IPO11: variants seen among roughly 807,000 people sequenced by gnomAD.
The protein encoded by IPO11 is importin 11, also known as importin-11.
IPO11 carries 66 observed loss-of-function variants against 143.2 expected under a neutral mutation model. That is an observed-to-expected ratio of 0.46 (90% CI 0.38 to 0.57). The LOEUF is 0.57. Ranked by LOEUF, IPO11 falls within the 20% of genes least tolerant of loss-of-function variation. IPO11 has a pLI of 0.00. For missense variants in IPO11, 1,026 were observed against 1,141.0 expected (o/e 0.90, Z 1.45); for synonymous variants, 385 against 377.8 (o/e 1.02, Z -0.22).
At chr5:62,540,266 G>T (rs536713786) in intron 24 of IPO11, among the ~76,000 whole-genome samples, 2 of 151,880 alleles carry the variant, frequency 1.3e-5, no homozygotes, top group Admixed American at 6.6e-5. Flanking sequence ...AGTATACTTT[G>T]GTCTTCATTT....
chr5:62,622,802 G>A (rs1746422400), intron 29 of IPO11, among the ~76,000 whole-genome samples: 1 of 152,190 alleles, frequency 6.6e-6, no homozygotes, highest in African/African-American at 2.4e-5. Context: ...TGTTCACTGA[G>A]ACATGTATGT....
chr5:62,440,924 C>T (rs1200842443), intron 2 of IPO11, among the ~76,000 whole-genome samples: 1 of 151,748 alleles, frequency 6.6e-6, no homozygotes, highest in African/African-American at 2.4e-5. Context: ...GATCGCGCCA[C>T]TGCACTCCAG....
intron 9 of IPO11, among the ~76,000 whole-genome samples, chr5:62,482,500 T>A (rs1328606403): frequency 6.6e-6 from 1 of 152,220 alleles, no homozygotes; most frequent in Non-Finnish European, 1.5e-5. Context: ...TTGTTCTCAT[T>A]GGTTTCTTTT....
chr5:62,530,324 A>G (rs1311814531), intron 21 of IPO11, among the ~76,000 whole-genome samples: 2 of 152,162 alleles, frequency 1.3e-5, no homozygotes, highest in African/African-American at 4.8e-5. Flanking sequence ...AGCCCTGCGG[A>G]ACCTGTGTAT....
At chr5:62,586,771 ATATAT>A (rs1744806182) in intron 27 of IPO11, among the ~76,000 whole-genome samples, 3 of 59,622 alleles carry the variant, frequency 5.0e-5, no homozygotes, top group African/African-American at 2.5e-4. Flanking sequence ...AAAAAAAAAT[ATATAT>A]ATATATATAT....
At chr5:62,500,208 A>G (rs1311437614) in intron 16 of IPO11, among the ~76,000 whole-genome samples, 1 of 152,130 alleles carries the variant, frequency 6.6e-6, no homozygotes, top group Non-Finnish European at 1.5e-5. Context: ...CTTGAGCCTA[A>G]GAGGTCAAGG....
intron 27 of IPO11, among the ~76,000 whole-genome samples, chr5:62,567,495 AT>A (rs371387218): frequency 7.9e-6 from 1 of 126,970 alleles, no homozygotes; most frequent in Non-Finnish European, 1.6e-5. Flanking sequence ...TATTATTATT[AT>A]TTTTTTTACT....
At chr5:62,484,313 C>T in intron 11 of IPO11, 151 bp downstream of exon 11, 1 of 591,780 alleles carries the variant, frequency 1.7e-6, no homozygotes, top group South Asian at 3.8e-5. Flanking sequence ...CGTTGTTATC[C>T]ATTAGAACAA....
At chr5:62,435,090 A>ATGTATATG (rs1744132274) in intron 1 of IPO11, among the ~76,000 whole-genome samples, 1 of 82,298 alleles carries the variant, frequency 1.2e-5, no homozygotes, top group African/African-American at 5.2e-5. Context: ...ATGTGTATAT[A>ATGTATATG]TGTATATATG....
In IPO11 at chr5:62,550,389, T is replaced by G; in HGVS notation, c.2273T>G (p.Val758Gly). 6.2e-7 allele frequency: 1 copy of G among 1,612,974 alleles called. No individual in the cohort carries two copies. The highest frequency in any genetic ancestry group is 8.5e-7 in the Non-Finnish European group (1 of 1,179,250). Residue 758 changes from valine (V) to glycine (G), a missense_variant, in exon 25 of 30, where the codon GTG becomes GGG. Val to Gly is a moderately radical substitution (Grantham distance 109, BLOSUM62 -3). This residue lies in a region of IPO11 where 351 missense variants were observed against 358.9 expected (regional missense o/e 0.98). Coordinates refer to ENST00000325324, the MANE Select transcript of IPO11 (RefSeq NM_016338.5). ...VLKVVENALK[V>G]NPILGPQMFQ... ...TAGGTTGTGGAAAATGCCCTTAAAGTGAACCCAATACTAGGTCCACAAATG... is the reference window on the plus strand; with the variant it reads ...TAGGTTGTGGAAAATGCCCTTAAAGGGAACCCAATACTAGGTCCACAAATG...
At chr5:62,602,330 A>C (rs1035964660) in intron 29 of IPO11, among the ~76,000 whole-genome samples, 7 of 152,180 alleles carry the variant, frequency 4.6e-5, no homozygotes, top group African/African-American at 7.2e-5. Context: ...AAAAGAACAA[A>C]AAAAAAGGAA....
In IPO11 at chr5:62,412,843, G is replaced by T. The variant is rs1476770586; in HGVS notation, c.-93G>T. The T allele has an allele frequency of 6.5e-6, 1 of 152,688 alleles. No homozygotes were observed. The highest frequency in any genetic ancestry group is 1.5e-5 in the Non-Finnish European group (1 of 68,074). 9.5% of individuals were successfully genotyped at this position (152,688 alleles called of 1,614,324 possible). The stretch of plus-strand genomic sequence containing the variant: ...TCAGTAGGCGGCGGCGTGGGGTCTG[G>T]CAGCGTGGGGAGAGGGACCAACCGA... On this transcript the variant is annotated 5_prime_UTR_variant, in exon 1 of 30. Transcript: ENST00000325324.
At chr5:62,550,545 G>T in intron 25 of IPO11, 83 bp downstream of exon 25, 1 of 882,968 alleles carries the variant, frequency 1.1e-6, no homozygotes, top group Non-Finnish European at 1.7e-6. Flanking sequence ...CAGAAGGAAA[G>T]CTTTTCTTGT....
At chr5:62,460,744 C>T (rs1280057535) in intron 5 of IPO11, among the ~76,000 whole-genome samples, 1 of 152,130 alleles carries the variant, frequency 6.6e-6, no homozygotes. Context: ...TGAACTAGTA[C>T]CTAACATGTT....
intron 27 of IPO11, among the ~76,000 whole-genome samples, chr5:62,564,795 T>C (rs1743879759): frequency 6.6e-6 from 1 of 152,100 alleles, no homozygotes; most frequent in Non-Finnish European, 1.5e-5. Flanking sequence ...ATTTGGGAAA[T>C]GGTTAAACTC....
At chr5:62,480,906 ATT>A (rs34947365) in intron 9 of IPO11, among the ~76,000 whole-genome samples, 14 of 84,970 alleles carry the variant, frequency 1.6e-4, no homozygotes, top group African/African-American at 5.5e-4. Flanking sequence ...TTCCTCTTTC[ATT>A]TTTTTTTTTT....
At position 62,433,806 on chromosome 5, in the gene IPO11, A is replaced by G. The variant is rs191649168; in HGVS notation, c.-6-3468A>G. 9.9e-5 allele frequency among the ~76,000 whole-genome samples: 15 copies of G among 152,284 alleles called. 1 individual carries two copies. Among genetic ancestry groups the G allele is most frequent in the Admixed American group, 9.2e-4 (14 of 15,294 alleles). On this transcript the variant is annotated intron_variant, in intron 1 of 29. Coordinates refer to ENST00000325324, the MANE Select transcript of IPO11 (RefSeq NM_016338.5). ...CTGTGTGCATTTATGTTCTCTGCAC[A>G]ATCTTTGCTCTAGGGGAAAATTGCT...
chr5:62,585,063 T>G (rs1008826517), intron 27 of IPO11, among the ~76,000 whole-genome samples: 1 of 152,220 alleles, frequency 6.6e-6, no homozygotes, highest in African/African-American at 2.4e-5. Flanking sequence ...TTGGTCTCCA[T>G]TTCTTCCATG....
chr5:62,534,868 A>G (rs993605678), intron 22 of IPO11, among the ~76,000 whole-genome samples: 2 of 152,172 alleles, frequency 1.3e-5, no homozygotes, highest in African/African-American at 2.4e-5. Flanking sequence ...GTAAATACCT[A>G]TCTATTGCAT....
Sources: allele counts gnomAD v4.1 joint callset (sites outside exome capture counted in the v4.1 genomes callset), GRCh38; gene constraint gnomAD v4.1.1; regional missense constraint gnomAD v4.1.1; transcripts MANE v1.5; gene names NCBI Gene and HGNC (gene_info 2026-07-23, HGNC 2026-07-21).